WDR70: variants seen among roughly 807,000 people sequenced by gnomAD.
WDR70 encodes the protein WD repeat domain 70.
A neutral mutation model predicts 88.6 loss-of-function variants in WDR70; 53 were observed. The ratio of observed to expected loss-of-function variants is 0.60; its 90% CI spans 0.48 to 0.75. The LOEUF is 0.75. Ranked by LOEUF, WDR70 falls within the 30% of genes least tolerant of loss-of-function variation. The pLI, the probability that WDR70 is intolerant of heterozygous loss-of-function variation, is 0.00. For missense variants in WDR70, 610 were observed against 823.2 expected (o/e 0.74, Z 3.17); for synonymous variants, 280 against 270.0 (o/e 1.04, Z -0.36).
intron 9 of WDR70, among the ~76,000 whole-genome samples, chr5:37,585,504 A>G (rs1218396935): frequency 6.6e-6 from 1 of 152,214 alleles, no homozygotes. Context: ...TGAGAAGAGT[A>G]GGGTTCTATC....
At chr5:37,639,850 A>G (rs1745059700) in intron 10 of WDR70, among the ~76,000 whole-genome samples, 1 of 152,202 alleles carries the variant, frequency 6.6e-6, no homozygotes, top group African/African-American at 2.4e-5. Context: ...AAATAAAACA[A>G]TAGCTGTTAT....
intron 5 of WDR70, among the ~76,000 whole-genome samples, chr5:37,415,405 G>C (rs868856915): frequency 1.4e-5 from 1 of 70,364 alleles, no homozygotes; most frequent in African/African-American, 3.3e-5. Flanking sequence ...CTGGCCGGGC[G>C]GGGGGCTGAC....
At chr5:37,554,606 A>T (rs1742242409) in intron 9 of WDR70, among the ~76,000 whole-genome samples, 1 of 152,070 alleles carries the variant, frequency 6.6e-6, no homozygotes, top group Non-Finnish European at 1.5e-5. Context: ...TGAACAGAAT[A>T]AACTGTAGGC....
chr5:37,425,798 T>C (rs1750106125), intron 5 of WDR70, among the ~76,000 whole-genome samples: 1 of 152,200 alleles, frequency 6.6e-6, no homozygotes, highest in South Asian at 2.1e-4. Flanking sequence ...TATATAAGTG[T>C]GGTGAGAGGG....
chr5:37,528,724 G>A (rs1050512167), intron 9 of WDR70, among the ~76,000 whole-genome samples: 3 of 151,906 alleles, frequency 2.0e-5, no homozygotes, highest in Non-Finnish European at 4.4e-5. Flanking sequence ...GTCCTTTATC[G>A]GATGCAGAGA....
intron 3 of WDR70, among the ~76,000 whole-genome samples, chr5:37,389,886 T>C (rs1423915945): frequency 6.6e-6 from 1 of 152,182 alleles, no homozygotes; most frequent in East Asian, 1.9e-4. Flanking sequence ...GTCTTCCATA[T>C]TTGACATGAA....
At chr5:37,699,974 A>C (rs1246447414) in intron 11 of WDR70, among the ~76,000 whole-genome samples, 1 of 136,158 alleles carries the variant, frequency 7.3e-6, no homozygotes, top group Admixed American at 8.3e-5. Context: ...AAAAACAAAA[A>C]CAAAAAAAAA....
intron 5 of WDR70, among the ~76,000 whole-genome samples, chr5:37,427,401 TA>T (rs879511212): frequency 3.4e-4 from 35 of 103,900 alleles, no homozygotes; most frequent in East Asian, 3.1e-4. Context: ...AAATAAAAAA[TA>T]AAAAAAAAAA....
chr5:37,406,528 C>T (rs1749358967), intron 5 of WDR70, among the ~76,000 whole-genome samples: 1 of 152,088 alleles, frequency 6.6e-6, no homozygotes, highest in Non-Finnish European at 1.5e-5. Context: ...TATTTAACCT[C>T]TCTGTGTCTG....
intron 9 of WDR70, among the ~76,000 whole-genome samples, chr5:37,533,393 A>G (rs1462489342): frequency 6.6e-6 from 1 of 152,122 alleles, no homozygotes; most frequent in Non-Finnish European, 1.5e-5. Context: ...GGAGTTCGAC[A>G]CTATCCTGAC....
chr5:37,701,187 AAAG>A, intron 12 of WDR70, 45 bp downstream of exon 12: 1 of 1,248,418 alleles, frequency 8.0e-7, no homozygotes, highest in Non-Finnish European at 1.2e-6. Context: ...GAAGAATGGA[AAAG>A]AAGTACTTTT....
chr5:37,412,767 C>T (rs916101347), intron 5 of WDR70, among the ~76,000 whole-genome samples: 4 of 152,168 alleles, frequency 2.6e-5, no homozygotes, highest in Non-Finnish European at 5.9e-5. Context: ...TGCCAGCCAC[C>T]TGTATCAGTC....
At chr5:37,521,902 C>A (rs1741105034) in intron 9 of WDR70, among the ~76,000 whole-genome samples, 1 of 152,156 alleles carries the variant, frequency 6.6e-6, no homozygotes, top group African/African-American at 2.4e-5. Flanking sequence ...AGTGGGATTG[C>A]TGGATCAAAT....
chr5:37,419,721 A>G (rs1240484405), intron 5 of WDR70, among the ~76,000 whole-genome samples: 1 of 151,914 alleles, frequency 6.6e-6, no homozygotes, highest in East Asian at 2.0e-4. Context: ...AGGCTGAGGC[A>G]GGAGAATTGC....
intron 9 of WDR70, among the ~76,000 whole-genome samples, chr5:37,602,124 C>T (rs1283983681): frequency 1.3e-5 from 2 of 151,846 alleles, no homozygotes; most frequent in Non-Finnish European, 2.9e-5. Context: ...ATGTAGGTGA[C>T]GGGATGATGG....
chr5:37,708,369 A>G (rs908400181), intron 13 of WDR70, among the ~76,000 whole-genome samples: 4 of 151,908 alleles, frequency 2.6e-5, no homozygotes, highest in Non-Finnish European at 5.9e-5. Context: ...AACATTTTCA[A>G]GTTGATTGAA....
intron 5 of WDR70, among the ~76,000 whole-genome samples, chr5:37,419,644 T>C (rs1449507349): frequency 6.6e-6 from 1 of 151,670 alleles, no homozygotes; most frequent in Non-Finnish European, 1.5e-5. Flanking sequence ...CGAAACTCCA[T>C]CTCTACTAAA....
chr5:37,522,410 A>G (rs10941342), intron 9 of WDR70, among the ~76,000 whole-genome samples: 145,126 of 149,418 alleles, frequency 0.97, 70,634 homozygotes, highest in East Asian at 1. Context: ...GGTGGAGGTT[A>G]CAGTGAGCTA....
intron 5 of WDR70, among the ~76,000 whole-genome samples, chr5:37,410,730 G>A (rs1749497697): frequency 1.3e-5 from 2 of 152,138 alleles, no homozygotes; most frequent in Non-Finnish European, 2.9e-5. Context: ...TTTTATAAAT[G>A]AAAAGCTTGT....
Sources: allele counts gnomAD v4.1 joint callset (sites outside exome capture counted in the v4.1 genomes callset), GRCh38; gene constraint gnomAD v4.1.1; transcripts MANE v1.5; gene names NCBI Gene and HGNC (gene_info 2026-07-23, HGNC 2026-07-21).